The following LGR6 variants were observed in gnomAD, a reference collection of about 807,000 sequenced individuals.
LGR6 encodes leucine-rich repeat-containing G protein-coupled receptor 6.
Under a neutral mutation model 69.4 loss-of-function variants are expected in LGR6, and 45 were observed. The observed-to-expected ratio is 0.65, with a 90% CI of 0.51 to 0.83. The LOEUF is 0.83. LGR6 is among the 40% of genes least tolerant of loss of function. The pLI is 0.00. For synonymous variants in LGR6, 538 were observed against 555.0 expected (o/e 0.97, Z 0.43); for missense variants, 1,108 against 1,246.7 (o/e 0.89, Z 1.68).
chr1:202,214,057 A>G, intron 1 of LGR6: 1 of 1,338,080 alleles, frequency 7.5e-7, no homozygotes, highest in South Asian at 1.9e-5. Context: ...ATCCAGAGGG[A>G]AGGGCATACG....
At chr1:202,276,271 C>T (rs1665542149) in intron 4 of LGR6, 35 bp from the exon 5 acceptor site, 1 of 1,569,372 alleles carries the variant, frequency 6.4e-7, no homozygotes, top group East Asian at 2.2e-5. Flanking sequence ...GCATCTTGCC[C>T]TGGATTGACC....
intron 4 of LGR6, among the ~76,000 whole-genome samples, chr1:202,271,017 C>G (rs1665052428): frequency 6.6e-6 from 1 of 152,172 alleles, no homozygotes; most frequent in South Asian, 2.1e-4. Context: ...CTAATCTGCC[C>G]CATTACTGCA....
At chr1:202,215,004 T>C (rs1558009847) in intron 1 of LGR6, among the ~76,000 whole-genome samples, 2 of 148,910 alleles carry the variant, frequency 1.3e-5, no homozygotes, top group South Asian at 2.1e-4. Flanking sequence ...TGTGTGTGTG[T>C]GTGTGTGTGT....
At chr1:202,269,699 C>T (rs1008779985) in intron 4 of LGR6, among the ~76,000 whole-genome samples, 4 of 152,188 alleles carry the variant, frequency 2.6e-5, no homozygotes, top group Admixed American at 6.5e-5. Context: ...TCTGTCCTAC[C>T]ATTGCCATGT....
chr1:202,236,126 C>A, intron 4 of LGR6, 133 bp downstream of exon 4: 1 of 688,372 alleles, frequency 1.5e-6, no homozygotes, highest in Non-Finnish European at 2.5e-6. Context: ...AGACAGCATG[C>A]CGCTCCTGGC....
chr1:202,210,265 A>G (rs913418424), intron 1 of LGR6, among the ~76,000 whole-genome samples: 9 of 152,178 alleles, frequency 5.9e-5, no homozygotes, highest in Non-Finnish European at 1.0e-4. Flanking sequence ...GGGACCCCCA[A>G]GAAAGCAGGG....
chr1:202,310,227 C>T lies in LGR6; in HGVS notation c.1437C>T (p.Cys479=). ...TGGAGGTGCCTTATGCCTACCAGTG[C>T]TGTCCCTATGGGATGTGTGCCAGCT... is the stretch of plus-strand genomic sequence containing the variant. ...RILEVPYAYQ[C]CPYGMCASFF... is the part of the protein sequence containing the mutation. Residue 479 remains cysteine (C), a synonymous_variant, in exon 16 of 18, where the codon TGC becomes TGT. Coordinates refer to ENST00000367278, the MANE Select transcript of LGR6 (RefSeq NM_001017403.2). 1.2e-6 allele frequency: 2 copies of T among 1,614,144 alleles called. No homozygotes were observed. The highest frequency in any genetic ancestry group is 1.7e-6 in the Non-Finnish European group (2 of 1,180,008).
chr1:202,203,908 G>C (rs190636715), intron 1 of LGR6: 2 of 1,537,486 alleles, frequency 1.3e-6, no homozygotes, highest in Non-Finnish European at 1.8e-6. Flanking sequence ...ATCCTCCTTG[G>C]GGGGTGTTTA....
intron 14 of LGR6, among the ~76,000 whole-genome samples, chr1:202,307,859 A>G (rs1275182694): frequency 6.6e-6 from 1 of 152,134 alleles, no homozygotes; most frequent in Non-Finnish European, 1.5e-5. Context: ...TTTAAATTAC[A>G]TAGGATGTAA....
Position 202,318,742 on chromosome 1 carries a change from G to A in LGR6, c.2439G>A (p.Leu813=). The A allele has an allele frequency of 6.2e-7, 1 of 1,613,510 alleles. No homozygotes were observed. Among genetic ancestry groups the A allele is most frequent in the Non-Finnish European group, 8.5e-7 (1 of 1,180,002 alleles). ...VTPEAVKSVL[L]VVLPLPACLN... is the part of the protein sequence containing the mutation. ...CCGAGGCCGTCAAGTCTGTCCTGCT[G>A]GTGGTGCTGCCCCTGCCTGCCTGCC... is the stretch of plus-strand genomic sequence containing the variant. The change falls in exon 18 of 18, where the codon CTG becomes CTA. Residue 813 remains leucine (L), a synonymous_variant. Coordinates refer to ENST00000367278, the MANE Select transcript of LGR6 (RefSeq NM_001017403.2).
intron 3 of LGR6, 71 bp from the exon 4 acceptor site, chr1:202,235,851 G>T: frequency 1.5e-6 from 2 of 1,350,828 alleles, no homozygotes; most frequent in Non-Finnish European, 1.1e-6. Flanking sequence ...GGGTTCAAGG[G>T]AGGAGTCAGC....
intron 1 of LGR6, among the ~76,000 whole-genome samples, chr1:202,214,924 G>A (rs1659660600): frequency 6.6e-6 from 1 of 152,016 alleles, no homozygotes; most frequent in Non-Finnish European, 1.5e-5. Context: ...AATTGAGTCT[G>A]GGATCCTGTC....
Position 202,276,431 on chromosome 1 carries a change from T to C in LGR6, c.554T>C (p.Leu185Pro). Residue 185 changes from leucine to proline, a missense_variant, in exon 5 of 18, where the codon CTC becomes CCC. Physicochemically the swap from Leu to Pro is moderately conservative, Grantham distance 98. Transcript: ENST00000367278. ...ATCCCTGTCAGGGCCCTCAACAACCTCCCTGCCCTGCAGGCCATGACCCTG... is the reference window on the plus strand; with the variant it reads ...ATCCCTGTCAGGGCCCTCAACAACCCCCCTGCCCTGCAGGCCATGACCCTG... ...TEIPVRALNNLPALQAMTLAL... is the reference protein window; with the variant it reads ...TEIPVRALNNPPALQAMTLAL... 2 of 1,614,098 alleles carry C rather than the reference T, an allele frequency of 1.2e-6. No homozygotes were observed. Among genetic ancestry groups the C allele is most frequent in the Non-Finnish European group, 1.7e-6 (2 of 1,180,010 alleles).
In LGR6 at chr1:202,276,483, C is replaced by G; in HGVS notation, c.606C>G (p.Pro202=). 1 of 1,614,150 alleles carries G rather than the reference C, an allele frequency of 6.2e-7. No individual in the cohort carries two copies. The highest frequency in any genetic ancestry group is 8.5e-7 in the Non-Finnish European group (1 of 1,180,014). ...TLALNRISHI[P]DYAFQNLTSL... The stretch of plus-strand genomic sequence containing the variant: ...CCCTCAACCGCATCAGCCACATCCC[C>G]GACTACGCGTTCCAGAATCTCACCA... Residue 202 remains proline (P), a synonymous_variant, in exon 5 of 18, where the codon CCC becomes CCG. Transcript: ENST00000367278.
At chr1:202,229,135 T>C (rs892124770) in intron 3 of LGR6, among the ~76,000 whole-genome samples, 2 of 152,140 alleles carry the variant, frequency 1.3e-5, no homozygotes, top group African/African-American at 4.8e-5. Flanking sequence ...TTCCAGCTGG[T>C]CAAGTTCAAC....
At chr1:202,204,678 AAC>A (rs576821757) in intron 1 of LGR6, among the ~76,000 whole-genome samples, 718 of 15,526 alleles carry the variant, frequency 0.046, 52 homozygotes, top group African/African-American at 0.11. Flanking sequence ...CACGCCTCCA[AAC>A]ACACACACAC....
In LGR6 at chr1:202,303,198, G is replaced by A. The variant is rs183509336; in HGVS notation, c.930-81G>A. The A allele has an allele frequency of 1.5e-5, 16 of 1,086,412 alleles. No homozygotes were observed. In the Admixed American group the frequency reaches 2.2e-4, roughly 15 times the overall value. The allele number at this position is 1,086,412 out of a possible 1,614,324, so 67.3% of individuals were successfully genotyped here. A position where few individuals can be genotyped will look rare whatever the true frequency, so the allele number is the denominator to read the frequency against. ...GCCCCCAAAGGAGGAGTCCCGGAGG[G>A]GAGACAAAATGGAGAATTGAGAGTC... is the stretch of plus-strand genomic sequence containing the variant. On this transcript the variant is annotated intron_variant, in intron 9 of 17. Coordinates refer to ENST00000367278, the MANE Select transcript of LGR6 (RefSeq NM_001017403.2).
chr1:202,302,776 A>ACCG (rs1667701061), intron 9 of LGR6, among the ~76,000 whole-genome samples: 1 of 151,916 alleles, frequency 6.6e-6, no homozygotes, highest in East Asian at 1.9e-4. Flanking sequence ...CGAACTCCTG[A>ACCG]CCTCAGGTGA....
chr1:202,276,158 G>A, intron 4 of LGR6, 148 bp from the exon 5 acceptor site: 2 of 626,836 alleles, frequency 3.2e-6, no homozygotes, highest in South Asian at 2.0e-5. Flanking sequence ...CGAAGAGGCG[G>A]GATACAGGAT....
Sources: gnomAD v4.1 joint callset for allele counts (sites outside exome capture counted in the v4.1 genomes callset) on GRCh38, gnomAD v4.1.1 for gene constraint, MANE v1.5 for transcripts, NCBI Gene and HGNC (gene_info 2026-07-23, HGNC 2026-07-21) for gene names.